The following HIGD1C variants were observed in gnomAD, a reference collection of about 807,000 sequenced individuals.
HIGD1C encodes HIG1 hypoxia inducible domain family member 1C.
A neutral mutation model predicts 13.1 loss-of-function variants in HIGD1C; 11 were observed. The observed-to-expected ratio is 0.84, with a 90% CI of 0.53 to 1.39. The LOEUF (loss-of-function observed/expected upper bound fraction) is 1.39. HIGD1C is among the 40% of genes most tolerant of loss of function. The pLI, the probability that HIGD1C is intolerant of heterozygous loss-of-function variation, is 0.00. For missense variants in HIGD1C, 110 were observed against 112.0 expected, an observed-to-expected ratio of 0.98 and a Z score of 0.08; for synonymous variants, 36 against 37.7, an observed-to-expected ratio of 0.95 and a Z score of 0.17.
the HIGD1C span, among the ~76,000 whole-genome samples, chr12:50,933,860 A>T: frequency 3.3e-5 from 5 of 152,208 alleles, no homozygotes; most frequent in Non-Finnish European, 5.9e-5. Context: ...TCCATGACCG[A>T]TCAGATCAAG....
intron 2 of HIGD1C, among the ~76,000 whole-genome samples, chr12:50,963,369 CAAAAAAAAAAAAAAA>C (rs35764288): frequency 1.4e-5 from 1 of 72,400 alleles, no homozygotes; most frequent in Non-Finnish European, 2.7e-5. Context: ...GACTCCATCT[CAAAAAAAAAAAAAAA>C]AAAAAAAAAG....
chr12:50,936,884 C>T, the HIGD1C span, among the ~76,000 whole-genome samples: 1 of 152,194 alleles, frequency 6.6e-6, no homozygotes, highest in Non-Finnish European at 1.5e-5. Flanking sequence ...TTCTCTACTA[C>T]CTATGATTAT....
chr12:50,962,490 A>T (rs1370724510), intron 2 of HIGD1C, among the ~76,000 whole-genome samples: 3 of 152,122 alleles, frequency 2.0e-5, no homozygotes, highest in Non-Finnish European at 2.9e-5. Context: ...ACTTAGGGTC[A>T]GGAGTTCAAG....
At chr12:50,967,009 C>T (rs1166978100) in intron 2 of HIGD1C, among the ~76,000 whole-genome samples, 3 of 151,766 alleles carry the variant, frequency 2.0e-5, no homozygotes, top group Admixed American at 6.6e-5. Context: ...CCCTGCTACT[C>T]GGGAGGCTGA....
intron 2 of HIGD1C, among the ~76,000 whole-genome samples, chr12:50,969,061 G>A (rs1939658806): frequency 6.6e-6 from 1 of 151,618 alleles, no homozygotes; most frequent in South Asian, 2.1e-4. Context: ...TTGGGAGGCA[G>A]AGGCGGGTGG....
At chr12:50,956,865 A>G (rs1939114112) in intron 1 of HIGD1C, among the ~76,000 whole-genome samples, 1 of 152,264 alleles carries the variant, frequency 6.6e-6, no homozygotes, top group Non-Finnish European at 1.5e-5. Flanking sequence ...CAGAGCAGGA[A>G]GCATGTTCAG....
chr12:50,933,148 TAC>T, the HIGD1C span, among the ~76,000 whole-genome samples: 2 of 152,204 alleles, frequency 1.3e-5, no homozygotes, highest in Non-Finnish European at 2.9e-5. Context: ...TGAAGTTTTT[TAC>T]AGTCATTCCA....
At chr12:50,945,368 T>C in the HIGD1C span, among the ~76,000 whole-genome samples, 1 of 152,320 alleles carries the variant, frequency 6.6e-6, no homozygotes, top group Non-Finnish European at 1.5e-5. Flanking sequence ...CTTAAGCTGA[T>C]AAGCAACTTC....
At chr12:50,968,968 C>T (rs982904913) in intron 2 of HIGD1C, among the ~76,000 whole-genome samples, 1 of 152,182 alleles carries the variant, frequency 6.6e-6, no homozygotes. Context: ...CATGAGCCCC[C>T]ACCACGCACC....
intron 2 of HIGD1C, among the ~76,000 whole-genome samples, chr12:50,963,127 T>C (rs970820660): frequency 4.0e-5 from 6 of 151,748 alleles, no homozygotes; most frequent in African/African-American, 1.5e-4. Flanking sequence ...CCCAGCACTT[T>C]GGGAGGCCGA....
upstream of HIGD1C, among the ~76,000 whole-genome samples, chr12:50,951,532 T>C (rs1055543477): frequency 1.3e-5 from 2 of 152,162 alleles, no homozygotes; most frequent in African/African-American, 4.8e-5. Flanking sequence ...CTGCCCAAAA[T>C]GTATGACCTC....
chr12:50,965,938 G>C (rs1390475683), intron 2 of HIGD1C, among the ~76,000 whole-genome samples: 1 of 152,140 alleles, frequency 6.6e-6, no homozygotes, highest in Non-Finnish European at 1.5e-5. Context: ...AGGAGCCCTG[G>C]CTCTTTATTG....
chr12:50,938,366 C>T, the HIGD1C span, among the ~76,000 whole-genome samples: 3 of 152,182 alleles, frequency 2.0e-5, no homozygotes, highest in Non-Finnish European at 2.9e-5. Context: ...CACACCAGAG[C>T]GAGTACTGGG....
At chr12:50,947,527 G>A in the HIGD1C span, among the ~76,000 whole-genome samples, 11 of 151,996 alleles carry the variant, frequency 7.2e-5, no homozygotes, top group African/African-American at 1.2e-4. Context: ...TGTAAAATCC[G>A]TTGTAATTAC....
At chr12:50,932,606 A>T in the HIGD1C span, 126 of 152,200 alleles carry the variant, frequency 8.3e-4, no homozygotes, top group African/African-American at 3.0e-3. Flanking sequence ...AAACATGTAA[A>T]TTTTTCTTTC....
At chr12:50,965,789 C>T (rs953314063) in intron 2 of HIGD1C, among the ~76,000 whole-genome samples, 2 of 152,146 alleles carry the variant, frequency 1.3e-5, no homozygotes, top group African/African-American at 4.8e-5. Flanking sequence ...AGCACAGGTC[C>T]CCTTTGGGAA....
At chr12:50,942,464 T>C in the HIGD1C span, among the ~76,000 whole-genome samples, 2 of 152,210 alleles carry the variant, frequency 1.3e-5, no homozygotes, top group African/African-American at 4.8e-5. Flanking sequence ...CCCCTTCCAA[T>C]CTATTTTTTA....
chr12:50,941,149 G>A, the HIGD1C span, among the ~76,000 whole-genome samples: 4 of 152,060 alleles, frequency 2.6e-5, no homozygotes, highest in Non-Finnish European at 5.9e-5. Flanking sequence ...ACCATACCCA[G>A]CTGAATTTTT....
intron 2 of HIGD1C, among the ~76,000 whole-genome samples, chr12:50,962,743 G>C (rs1939386947): frequency 6.6e-6 from 1 of 152,030 alleles, no homozygotes; most frequent in Non-Finnish European, 1.5e-5. Context: ...CAAACACAAG[G>C]GAGTGGTATT....
Sources: allele counts gnomAD v4.1 joint callset (sites outside exome capture counted in the v4.1 genomes callset), GRCh38; gene constraint gnomAD v4.1.1; transcripts MANE v1.5; gene names NCBI Gene and HGNC (gene_info 2026-07-23, HGNC 2026-07-21).